Variants in PDSS2 observed in about 807,000 individuals in gnomAD.
PDSS2 encodes the protein all trans-polyprenyl-diphosphate synthase PDSS2.
PDSS2 carries 31 observed loss-of-function variants against 44.5 expected under a neutral mutation model. The ratio of observed to expected loss-of-function variants is 0.70; its 90% CI spans 0.52 to 0.94. The LOEUF is 0.94. Ranked by LOEUF, PDSS2 falls within the 40% of genes least tolerant of loss-of-function variation. The probability of loss-of-function intolerance (pLI) is 0.00; values close to 1 mark genes in which losing one functional copy is unlikely to be tolerated. For synonymous variants in PDSS2, 157 were observed against 180.3 expected, an observed-to-expected ratio of 0.87 and a Z score of 1.03; for missense variants, 452 against 482.2, an observed-to-expected ratio of 0.94 and a Z score of 0.59.
chr6:107,427,039 CA>C (rs771682297), intron 1 of PDSS2, among the ~76,000 whole-genome samples: 34 of 152,012 alleles, frequency 2.2e-4, no homozygotes, highest in Non-Finnish European at 2.8e-4. Context: ...TAGGAGGGAC[CA>C]GGGGCGGAAT....
chr6:107,277,221 G>GC (rs1775813554), intron 2 of PDSS2, among the ~76,000 whole-genome samples: 1 of 152,198 alleles, frequency 6.6e-6, no homozygotes, highest in South Asian at 2.1e-4. Context: ...TTTGAGCGGG[G>GC]CCTGGAAAGG....
intron 1 of PDSS2, among the ~76,000 whole-genome samples, chr6:107,420,825 G>GAA (rs112230353): frequency 2.4e-5 from 3 of 126,094 alleles, no homozygotes; most frequent in Non-Finnish European, 1.7e-5. Flanking sequence ...ATCTATAAAA[G>GAA]AAAAAAAAAA....
chr6:107,331,430 A>G (rs1777707674), intron 2 of PDSS2, among the ~76,000 whole-genome samples: 1 of 152,116 alleles, frequency 6.6e-6, no homozygotes, highest in South Asian at 2.1e-4. Context: ...TGTTATTTGG[A>G]AAGGTTTCAT....
chr6:107,320,054 C>T (rs1266900222), intron 2 of PDSS2, among the ~76,000 whole-genome samples: 1 of 152,172 alleles, frequency 6.6e-6, no homozygotes, highest in South Asian at 2.1e-4. Flanking sequence ...CATATTTTCT[C>T]ACTCGCCTTC....
intron 2 of PDSS2, among the ~76,000 whole-genome samples, chr6:107,321,803 C>A (rs888014840): frequency 7.9e-5 from 12 of 152,196 alleles, no homozygotes; most frequent in African/African-American, 2.9e-4. Flanking sequence ...TTCTGTGAAA[C>A]CCACTTTAAG....
intron 1 of PDSS2, among the ~76,000 whole-genome samples, chr6:107,437,525 CAAAAAAAAAAAAAAAAA>C (rs60133518): frequency 7.9e-6 from 1 of 126,722 alleles, no homozygotes; most frequent in Non-Finnish European, 1.6e-5. Flanking sequence ...ACCCTGTCTC[CAAAAAAAAAAAAAAAAA>C]AAAAAAAAAT....
Position 107,346,110 on chromosome 6 carries a change from T to C in PDSS2, c.297-11778A>G, listed in dbSNP as rs556384985. ...TGTCCATAGAAAAATATAATTTGAT[T>C]TTTAAAAGTTACACTTACATGGCAC... is the stretch of plus-strand genomic sequence containing the variant. On this transcript the variant is annotated intron_variant, in intron 1 of 7. Coordinates refer to ENST00000369037, the MANE Select transcript of PDSS2 (RefSeq NM_020381.4). Among the ~76,000 whole-genome samples, 4 of 152,352 alleles carry C rather than the reference T, an allele frequency of 2.6e-5. No individual in the cohort carries two copies. In the South Asian group the frequency reaches 8.3e-4, roughly 32 times the overall value.
At chr6:107,365,240 T>C (rs954614076) in intron 1 of PDSS2, among the ~76,000 whole-genome samples, 2 of 151,086 alleles carry the variant, frequency 1.3e-5, no homozygotes, top group African/African-American at 4.9e-5. Context: ...AAATGAAAAA[T>C]AGAGATATAT....
At chr6:107,368,273 A>G (rs1437154878) in intron 1 of PDSS2, among the ~76,000 whole-genome samples, 1 of 152,094 alleles carries the variant, frequency 6.6e-6, no homozygotes, top group Non-Finnish European at 1.5e-5. Flanking sequence ...TCTCAAAAAA[A>G]AAAAAAAAAA....
intron 7 of PDSS2, among the ~76,000 whole-genome samples, chr6:107,184,764 T>C (rs1444477235): frequency 6.6e-6 from 1 of 151,936 alleles, no homozygotes; most frequent in African/African-American, 2.4e-5. Flanking sequence ...TCAAAAACCC[T>C]ATCCTTATAA....
chr6:107,382,313 A>G (rs1049071141), intron 1 of PDSS2, among the ~76,000 whole-genome samples: 1 of 152,182 alleles, frequency 6.6e-6, no homozygotes, highest in Admixed American at 6.5e-5. Flanking sequence ...TAAAGTCTTG[A>G]ACCCAAGAAT....
chr6:107,408,254 G>A lies in PDSS2; in HGVS notation c.296+50736C>T, dbSNP rs191860761. ...CATGTTGGCTAGGCTGGTCTTGAACGCCTGACCCCAAGCTTCCCAAAGTGC... is the reference window on the plus strand; with the variant it reads ...CATGTTGGCTAGGCTGGTCTTGAACACCTGACCCCAAGCTTCCCAAAGTGC... On this transcript the variant is annotated intron_variant, in intron 1 of 7. Coordinates refer to ENST00000369037, the MANE Select transcript of PDSS2 (RefSeq NM_020381.4). Among the ~76,000 whole-genome samples the A allele has an allele frequency of 2.0e-5, 3 of 151,738 alleles. No individual in the cohort carries two copies. In the East Asian group the frequency reaches 5.9e-4, roughly 30 times the overall value.
intron 2 of PDSS2, among the ~76,000 whole-genome samples, chr6:107,332,208 G>A (rs1444169973): frequency 6.6e-6 from 1 of 151,536 alleles, no homozygotes; most frequent in Non-Finnish European, 1.5e-5. Context: ...AGGCTCAAGC[G>A]ATCCTTCCAC....
intron 4 of PDSS2, among the ~76,000 whole-genome samples, chr6:107,240,353 A>G (rs1242126646): frequency 6.6e-6 from 1 of 150,940 alleles, no homozygotes; most frequent in Non-Finnish European, 1.5e-5. Context: ...GTGAGCTAGG[A>G]TGACACCACT....
chr6:107,335,683 G>A (rs764608070), intron 1 of PDSS2, among the ~76,000 whole-genome samples: 5 of 152,012 alleles, frequency 3.3e-5, no homozygotes, highest in Non-Finnish European at 7.4e-5. Context: ...ATTACAAATG[G>A]TTGTCATTCA....
intron 7 of PDSS2, among the ~76,000 whole-genome samples, chr6:107,175,022 G>A (rs1250939487): frequency 6.6e-6 from 1 of 152,132 alleles, no homozygotes; most frequent in African/African-American, 2.4e-5. Context: ...AGACCAGCCT[G>A]GCCAACATGG....
chr6:107,295,009 A>C (rs758722250), intron 2 of PDSS2, among the ~76,000 whole-genome samples: 1 of 151,990 alleles, frequency 6.6e-6, no homozygotes, highest in Non-Finnish European at 1.5e-5. Flanking sequence ...GGCTCACTGC[A>C]ACCTCTGCCC....
At chr6:107,453,717 C>T (rs901660129) in intron 1 of PDSS2, among the ~76,000 whole-genome samples, 1 of 152,122 alleles carries the variant, frequency 6.6e-6, no homozygotes, top group Admixed American at 6.5e-5. Flanking sequence ...ACTATTCTAG[C>T]TCTATTCATG....
chr6:107,277,220 G>C (rs1350682351), intron 2 of PDSS2, among the ~76,000 whole-genome samples: 1 of 152,154 alleles, frequency 6.6e-6, no homozygotes, highest in Non-Finnish European at 1.5e-5. Context: ...ATTTGAGCGG[G>C]GCCTGGAAAG....
Sources: gnomAD v4.1 joint callset for allele counts (sites outside exome capture counted in the v4.1 genomes callset) on GRCh38, gnomAD v4.1.1 for gene constraint, MANE v1.5 for transcripts, NCBI Gene and HGNC (gene_info 2026-07-23, HGNC 2026-07-21) for gene names.